The following MTMR8 variants were observed in gnomAD, a reference collection of about 807,000 sequenced individuals.
MTMR8 encodes the protein phosphatidylinositol-3,5-bisphosphate 3-phosphatase MTMR8.
A neutral mutation model predicts 39.3 loss-of-function variants in MTMR8; 65 were observed. The observed-to-expected ratio is 1.65, with a 90% CI of 1.35 to 2.03. MTMR8 has a LOEUF of 2.03. Among genes scored for constraint, MTMR8 ranks in the 30% most tolerant of loss-of-function variants. MTMR8 has a pLI of 0.00. For missense variants in MTMR8, 777 were observed against 538.9 expected (o/e 1.44, Z -4.37); for synonymous variants, 245 against 185.2 (o/e 1.32, Z -2.62).
At chrX:64,357,190 C>T (rs181063653) in intron 2 of MTMR8, among the ~76,000 whole-genome samples, 1 of 111,192 alleles carries the variant, frequency 9.0e-6, no homozygotes, top group South Asian at 3.8e-4. Flanking sequence ...TCCTCCTATC[C>T]CTGTCTTATG....
intron 12 of MTMR8, among the ~76,000 whole-genome samples, chrX:64,295,527 C>T (rs1921546291): frequency 9.1e-6 from 1 of 110,434 alleles, no homozygotes; most frequent in Non-Finnish European, 1.9e-5. Context: ...AAAAAGGTAA[C>T]CAGAGAATGG....
chrX:64,270,816 G>A, intron 13 of MTMR8, 131 bp downstream of exon 13: 1 of 652,059 alleles, frequency 1.5e-6, no homozygotes, highest in Non-Finnish European at 2.2e-6. Context: ...TGTAGACACG[G>A]GACACATGAA....
At chrX:64,338,434 G>A (rs1923131420) in intron 8 of MTMR8, among the ~76,000 whole-genome samples, 1 of 112,448 alleles carries the variant, frequency 8.9e-6, no homozygotes, top group Non-Finnish European at 1.9e-5. Flanking sequence ...AGATGGACCA[G>A]GAGGAAAGGA....
At chrX:64,365,225 G>A (rs1448078459) in intron 1 of MTMR8, among the ~76,000 whole-genome samples, 2 of 110,603 alleles carry the variant, frequency 1.8e-5, no homozygotes, top group African/African-American at 6.6e-5. Flanking sequence ...ACCTAGCAAG[G>A]GAGGCCAACA....
At chrX:64,337,022 C>A (rs1364031803) in intron 9 of MTMR8, among the ~76,000 whole-genome samples, 1 of 111,443 alleles carries the variant, frequency 9.0e-6, no homozygotes, top group East Asian at 2.8e-4. Context: ...TTGAGCTTTT[C>A]CTACTCTGTA....
chrX:64,348,259 G>GA lies in MTMR8; in HGVS notation c.732+400dup, dbSNP rs201587553. Among the ~76,000 whole-genome samples, 875 of 102,297 alleles carry GA rather than the reference G, an allele frequency of 8.6e-3. 11 individuals are homozygous for GA. The highest frequency in any genetic ancestry group is 0.044 in the East Asian group (146 of 3,322). The allele number at this position is 102,297 out of a possible 115,157, so 88.8% of individuals were successfully genotyped here. A position where few individuals can be genotyped will look rare whatever the true frequency, so the allele number is the denominator to read the frequency against. On this transcript the variant is annotated intron_variant, in intron 6 of 13. Coordinates refer to ENST00000374852, the MANE Select transcript of MTMR8 (RefSeq NM_017677.4). ...ATTACTGTGGCCTAACACATTTATA[G>GA]AAAAAAAAAAAACATGTTGGTTGTA...
intron 6 of MTMR8, among the ~76,000 whole-genome samples, chrX:64,345,779 AT>A (rs778454359): frequency 1.8e-5 from 2 of 110,625 alleles, no homozygotes; most frequent in Middle Eastern, 4.2e-3. Context: ...TGCCTGGCTA[AT>A]TTTTTTTACA....
At position 64,271,092 on chromosome X, in the gene MTMR8, G is replaced by A. The variant is rs1214850955; in HGVS notation, c.1482-19C>T. The A allele has an allele frequency of 2.6e-6, 3 of 1,172,519 alleles. No homozygotes were observed. Among genetic ancestry groups the A allele is most frequent in the Admixed American group, 2.6e-5 (1 of 39,130 alleles). On this transcript the variant is annotated intron_variant, in intron 12 of 13. Transcript: ENST00000374852. ...CCAGAACCTCAAATAGACAAAAATG[G>A]GGGGAAAAGTGGGTTAGTTTAGCTG...
intron 12 of MTMR8, among the ~76,000 whole-genome samples, chrX:64,315,524 A>C (rs762238334): frequency 9.0e-6 from 1 of 111,519 alleles, no homozygotes; most frequent in African/African-American, 3.3e-5. Flanking sequence ...ATTTCTTCTG[A>C]AGTCTATTTA....
rs1931928205 is a variant in MTMR8 at position 64,278,459 on chromosome X, G to GTTTTTTTTTTTTTTTTTTT, written c.1482-7387_1482-7386insAAAAAAAAAAAAAAAAAAA. Among the ~76,000 whole-genome samples the GTTTTTTTTTTTTTTTTTTT allele has an allele frequency of 1.4e-4, 7 of 49,868 alleles. 3 individuals carry two copies. The highest frequency in any genetic ancestry group is 8.0e-4 in the African/African-American group (7 of 8,741). 43.3% of individuals were successfully genotyped at this position (49,868 alleles called of 115,157 possible). A position where few individuals can be genotyped will look rare whatever the true frequency, so the allele number is the denominator to read the frequency against. ...TGATGTTGATGCTATTTATTTTGCT[G>GTTTTTTTTTTTTTTTTTTT]GTTTTTTTTTTTTTTTTTTTTTTTT... On this transcript the variant is annotated intron_variant, in intron 12 of 13. Coordinates refer to ENST00000374852, the MANE Select transcript of MTMR8 (RefSeq NM_017677.4).
Position 64,348,734 on chromosome X carries a change from C to A in MTMR8, c.658G>T (p.Glu220Ter). ...TGGCTAATGGCCTCCAACAAGAGCTCATCATCTACACAGCGAGTGTAAAAT... is the reference window on the plus strand; with the variant it reads ...TGGCTAATGGCCTCCAACAAGAGCTAATCATCTACACAGCGAGTGTAAAAT... ...SGFYTRCVDD[E>*]LLLEAISQTN... Residue 220 changes from glutamate to a stop codon, truncating the protein, a stop_gained, in exon 6 of 14, where the codon GAG becomes TAG. Coordinates refer to ENST00000374852, the MANE Select transcript of MTMR8 (RefSeq NM_017677.4). LOFTEE classifies it high-confidence loss of function. 8.3e-7 allele frequency: 1 copy of A among 1,210,808 alleles called. No individual in the cohort carries two copies.
intron 12 of MTMR8, among the ~76,000 whole-genome samples, chrX:64,295,757 C>G (rs1250684074): frequency 2.7e-5 from 3 of 111,412 alleles, no homozygotes; most frequent in Middle Eastern, 4.2e-3. Context: ...CCACGAGATA[C>G]TACTTCATAC....
Position 64,269,040 on chromosome X carries a change from G to T in MTMR8, c.1612C>A (p.Leu538Ile). 2 of 1,206,693 alleles carry T rather than the reference G, an allele frequency of 1.7e-6. No individual in the cohort carries two copies. The highest frequency in any genetic ancestry group is 4.7e-4 in the Middle Eastern group (2 of 4,256). ...ETDVHELEKK[L>I]KVRDEPPEEI... ...TCTGGTGGCTCATCACGGACTTTTA[G>T]TTTCTGCCTCAGGAGCAAGAAAGGG... Residue 538 changes from leucine (L) to isoleucine (I), a missense_variant, in exon 14 of 14, where the codon CTA becomes ATA. Leu to Ile is a conservative substitution (Grantham distance 5). Coordinates refer to ENST00000374852, the MANE Select transcript of MTMR8 (RefSeq NM_017677.4).
intron 12 of MTMR8, among the ~76,000 whole-genome samples, chrX:64,286,626 G>A (rs1301630256): frequency 8.9e-6 from 1 of 111,790 alleles, no homozygotes. Flanking sequence ...GATCAAGTGG[G>A]CTTTATCCCT....
chrX:64,334,301 C>A (rs1602135889), intron 10 of MTMR8, among the ~76,000 whole-genome samples: 2 of 110,145 alleles, frequency 1.8e-5, no homozygotes, highest in South Asian at 4.0e-4. Flanking sequence ...AGGCAGAAAC[C>A]TTTGAGTTTT....
intron 1 of MTMR8, among the ~76,000 whole-genome samples, 182 bp from the exon 2 acceptor site, chrX:64,359,709 C>A (rs1290435469): frequency 2.7e-5 from 3 of 110,641 alleles, no homozygotes; most frequent in African/African-American, 6.6e-5. Context: ...GCGGGAAAAA[C>A]TATGAAAGTG....
intron 1 of MTMR8, among the ~76,000 whole-genome samples, chrX:64,364,409 T>C (rs1923886301): frequency 9.0e-6 from 1 of 111,453 alleles, no homozygotes; most frequent in Admixed American, 9.5e-5. Context: ...CAGGCAGCAA[T>C]ATTTGCTGCT....
chrX:64,318,972 C>A (rs141570224), intron 12 of MTMR8, among the ~76,000 whole-genome samples: 3 of 111,710 alleles, frequency 2.7e-5, no homozygotes, highest in South Asian at 7.5e-4. Flanking sequence ...TTAGCCACCA[C>A]GCTCAGCCTA....
rs151017066 is a variant in MTMR8, at chrX:64,283,329, G to A, written c.1482-12256C>T. ...AGTAAGTAAACAAAGCAGCCTGGAA[G>A]CTCGAAATGGGTGGAGCGCACTGCA... On this transcript the variant is annotated intron_variant, in intron 12 of 13. Coordinates refer to ENST00000374852, the MANE Select transcript of MTMR8 (RefSeq NM_017677.4). Among the ~76,000 whole-genome samples the A allele has an allele frequency of 1.6e-3, 175 of 112,254 alleles. 1 individual carries two copies. The highest frequency in any genetic ancestry group is 5.0e-3 in the African/African-American group (156 of 30,942).
Sources: gnomAD v4.1 joint callset for allele counts (sites outside exome capture counted in the v4.1 genomes callset) on GRCh38, gnomAD v4.1.1 for gene constraint, MANE v1.5 for transcripts, NCBI Gene and HGNC (gene_info 2026-07-23, HGNC 2026-07-21) for gene names.